Variants in BCL11B observed in about 807,000 individuals in gnomAD.
BCL11B encodes B-cell lymphoma/leukemia 11B.
Under a neutral mutation model 49.9 loss-of-function variants are expected in BCL11B, and 8 were observed. That is an observed-to-expected ratio of 0.16 (90% CI 0.09 to 0.29). BCL11B has a LOEUF of 0.29. Ranked by LOEUF, BCL11B falls within the 10% of genes least tolerant of loss-of-function variation. The probability of loss-of-function intolerance (pLI) is 1.00; values close to 1 mark genes in which losing one functional copy is unlikely to be tolerated. For synonymous variants in BCL11B, 739 were observed against 637.4 expected (o/e 1.16, Z -2.40); for missense variants, 1,006 against 1,351.0 (o/e 0.74, Z 4.00).
At chr14:99,183,535 C>T (rs917244355) in intron 3 of BCL11B, among the ~76,000 whole-genome samples, 13 of 152,082 alleles carry the variant, frequency 8.5e-5, no homozygotes, top group African/African-American at 3.1e-4. Flanking sequence ...CACTTCAAAG[C>T]CCAGACACTT....
At chr14:99,268,609 T>A (rs1889555250) in intron 1 of BCL11B, among the ~76,000 whole-genome samples, 1 of 151,848 alleles carries the variant, frequency 6.6e-6, no homozygotes, top group Non-Finnish European at 1.5e-5. Context: ...TGCACCCCAT[T>A]CCTGCCTTTC....
At chr14:99,271,081 T>A (rs1889662905) in intron 1 of BCL11B, 80 bp downstream of exon 1, 3 of 1,404,054 alleles carry the variant, frequency 2.1e-6, no homozygotes, top group Admixed American at 5.2e-5. Flanking sequence ...CAGGCTCGGC[T>A]GTTCCGGGCT....
At chr14:99,208,005 A>G (rs1229837301) in intron 3 of BCL11B, among the ~76,000 whole-genome samples, 1 of 152,174 alleles carries the variant, frequency 6.6e-6, no homozygotes, top group African/African-American at 2.4e-5. Context: ...GAGCAGATGC[A>G]CCACGCCCAG....
In BCL11B at chr14:99,205,642, C is replaced by T. The variant is rs560895293; in HGVS notation, c.640+25703G>A. ...ACAGGACATTTGAAGCATCCGCCCC[C>T]CTACCCCCCAGCTTTGTGGAATGAG... On this transcript the variant is annotated intron_variant, in intron 3 of 3. Transcript: ENST00000357195. This position sits in a 1 kb window ranked among gnomAD's most constrained non-coding sequence, Gnocchi z 5.0. Among the ~76,000 whole-genome samples, 7 of 152,246 alleles carry T rather than the reference C, an allele frequency of 4.6e-5. No individual in the cohort carries two copies. In the East Asian group the frequency reaches 1.2e-3, roughly 25 times the overall value.
intron 3 of BCL11B, among the ~76,000 whole-genome samples, chr14:99,230,929 T>C (rs1367541120): frequency 1.3e-5 from 2 of 152,062 alleles, no homozygotes; most frequent in Non-Finnish European, 2.9e-5. Context: ...GCTCCAGCAA[T>C]GTACACAGTC....
Position 99,175,986 on chromosome 14 carries a change from C to A in BCL11B, c.850G>T (p.Gly284Cys), listed in dbSNP as rs756498434. 6 of 1,512,124 alleles carry A rather than the reference C, an allele frequency of 4.0e-6. No individual in the cohort carries two copies. The highest frequency in any genetic ancestry group is 4.4e-6 in the Non-Finnish European group (5 of 1,130,352). The allele number at this position is 1,512,124 out of a possible 1,614,324, so 93.7% of individuals were successfully genotyped here. ...VAQSPLMNFL[G>C]DSNPFNLLRM... ...AGCAGGTTGAAGGGGTTGCTGTCGC[C>A]CAGGAAATTCATGAGCGGGGACTGC... Residue 284 changes from glycine to cysteine, a missense_variant, in exon 4 of 4, where the codon GGC (glycine) becomes TGC (cysteine). Gly to Cys is a radical substitution (Grantham distance 159, BLOSUM62 -3). This residue lies in a region of BCL11B where 411 missense variants were observed against 542.2 expected (regional missense o/e 0.76). Coordinates refer to ENST00000357195, the MANE Select transcript of BCL11B (RefSeq NM_138576.4).
rs1353116500 is a variant in BCL11B, at chr14:99,271,406, CTTCT to C, written c.-192_-189del. 2.1e-5 allele frequency: 6 copies of C among 284,622 alleles called. No individual in the cohort carries two copies. The highest frequency in any genetic ancestry group is 8.8e-5 in the African/African-American group (4 of 45,708). The allele number at this position is 284,622 out of a possible 1,614,324, so 17.6% of individuals were successfully genotyped here. A position where few individuals can be genotyped will look rare whatever the true frequency, so the allele number is the denominator to read the frequency against. On this transcript the variant is annotated 5_prime_UTR_variant, in exon 1 of 4. Coordinates refer to ENST00000357195, the MANE Select transcript of BCL11B (RefSeq NM_138576.4). ...CTTTCCCTCTCTTCCTCCTCTTCTT[CTTCT>C]TTATTTTGCTCTTTCTTCTATGCTG...
Position 99,241,384 on chromosome 14 carries a change from C to T in BCL11B, c.428-9827G>A, listed in dbSNP as rs893141121. On this transcript the variant is annotated intron_variant, in intron 2 of 3. Transcript: ENST00000357195. This position sits in a 1 kb window ranked among gnomAD's most constrained non-coding sequence, Gnocchi z 4.4. ...AACGAGCTCCAATTCCAGATCGGGG[C>T]GAGAATCTAGCTGTAATCTCAGAGG... is the stretch of plus-strand genomic sequence containing the variant. 6.6e-6 allele frequency among the ~76,000 whole-genome samples: 1 copy of T among 151,412 alleles called. No individual in the cohort carries two copies. The highest frequency in any genetic ancestry group is 1.5e-5 in the Non-Finnish European group (1 of 67,930).
At chr14:99,230,559 A>G (rs1888298666) in intron 3 of BCL11B, among the ~76,000 whole-genome samples, 1 of 152,218 alleles carries the variant, frequency 6.6e-6, no homozygotes, top group Non-Finnish European at 1.5e-5. Context: ...CAAGGACCCC[A>G]AGGATTCCCA....
At chr14:99,237,192 T>C (rs746561560) in intron 2 of BCL11B, among the ~76,000 whole-genome samples, 1 of 151,810 alleles carries the variant, frequency 6.6e-6, no homozygotes, top group Non-Finnish European at 1.5e-5. Flanking sequence ...ACTCAAAAAA[T>C]AAATTCCTTC....
At chr14:99,177,063 T>A (rs1402102532) in intron 3 of BCL11B, among the ~76,000 whole-genome samples, 1 of 151,902 alleles carries the variant, frequency 6.6e-6, no homozygotes, top group African/African-American at 2.4e-5. Flanking sequence ...ACAGAAAAAA[T>A]TTAACATGCT....
At chr14:99,240,752 A>C (rs1239480508) in intron 2 of BCL11B, among the ~76,000 whole-genome samples, 1 of 152,198 alleles carries the variant, frequency 6.6e-6, no homozygotes, top group African/African-American at 2.4e-5. Context: ...GCACAACAAA[A>C]TGTGTAAAAA....
chr14:99,235,286 T>C (rs977491398), intron 2 of BCL11B, among the ~76,000 whole-genome samples: 6 of 152,182 alleles, frequency 3.9e-5, no homozygotes, highest in African/African-American at 1.2e-4. Flanking sequence ...TTTCAATTGA[T>C]ACATTTTTTT....
Position 99,170,105 on chromosome 14 carries a change from G to T in BCL11B, c.*4046C>A. 4.4e-6 allele frequency: 1 copy of T among 227,142 alleles called. No individual in the cohort carries two copies. The highest frequency in any genetic ancestry group is 8.8e-6 in the Non-Finnish European group (1 of 113,850). 14.1% of individuals were successfully genotyped at this position (227,142 alleles called of 1,614,324 possible). On this transcript the variant is annotated 3_prime_UTR_variant, in exon 4 of 4. Coordinates refer to ENST00000357195, the MANE Select transcript of BCL11B (RefSeq NM_138576.4). ...AGTCCTGGCAATCTGGTAAGCTGGTGAGCACTGGCTAGCTGTTATGACTAC... is the reference window on the plus strand; with the variant it reads ...AGTCCTGGCAATCTGGTAAGCTGGTTAGCACTGGCTAGCTGTTATGACTAC...
At chr14:99,259,124 C>T (rs146579817) in intron 1 of BCL11B, among the ~76,000 whole-genome samples, 13 of 152,210 alleles carry the variant, frequency 8.5e-5, no homozygotes, top group Admixed American at 1.3e-4. Context: ...AGAGAAGACA[C>T]GAGTGGCGGG....
intron 3 of BCL11B, among the ~76,000 whole-genome samples, chr14:99,203,176 G>T (rs758944682): frequency 6.6e-6 from 1 of 152,064 alleles, no homozygotes; most frequent in African/African-American, 2.4e-5. Flanking sequence ...ATGTGTTCCC[G>T]TTCTCGTTCC....
chr14:99,187,706 G>A (rs139272564), intron 3 of BCL11B, among the ~76,000 whole-genome samples: 68 of 150,122 alleles, frequency 4.5e-4, no homozygotes, highest in African/African-American at 1.6e-3. Flanking sequence ...GTGTGTGAGC[G>A]GGGATCAGTG....
rs1555385250 is a variant in BCL11B, at chr14:99,269,524, C to CCG, written c.58+1636_58+1637insCG. Among the ~76,000 whole-genome samples the CCG allele has an allele frequency of 7.7e-3, 1,155 of 150,476 alleles. 18 individuals carry two copies. The highest frequency in any genetic ancestry group is 0.01 in the Non-Finnish European group (681 of 67,582). On this transcript the variant is annotated intron_variant, in intron 1 of 3. Coordinates refer to ENST00000357195, the MANE Select transcript of BCL11B (RefSeq NM_138576.4). Reference sequence around the variant, plus strand: ...CCACTTTAATTTCTATTCCCCCCCCCCCAAAAAAAATCATAATAAATCCAC... The same window carrying CCG: ...CCACTTTAATTTCTATTCCCCCCCCCCGCCAAAAAAAATCATAATAAATCCAC...
rs80009370 is a variant in BCL11B, at chr14:99,242,028, G to A, written c.428-10471C>T. ...AAGCCCACTTGGGTTTAAGGAAAGG[G>A]TGGGTAGAAGGGGACAGGAAAAGGG... On this transcript the variant is annotated intron_variant, in intron 2 of 3. Coordinates refer to ENST00000357195, the MANE Select transcript of BCL11B (RefSeq NM_138576.4). This position sits in a 1 kb window ranked among gnomAD's most constrained non-coding sequence, Gnocchi z 4.4. 4.8e-3 allele frequency among the ~76,000 whole-genome samples: 724 copies of A among 152,296 alleles called. 44 individuals are homozygous for A. In the East Asian group the frequency reaches 0.13, roughly 27 times the overall value.
Sources: gnomAD v4.1 joint callset for allele counts (sites outside exome capture counted in the v4.1 genomes callset) on GRCh38, gnomAD v4.1.1 for gene constraint, gnomAD v4.1.1 regional missense constraint, Gnocchi (gnomAD v3.1) non-coding constraint, MANE v1.5 for transcripts, NCBI Gene and HGNC (gene_info 2026-07-23, HGNC 2026-07-21) for gene names.